NAV2: variants seen among roughly 807,000 people sequenced by gnomAD.
NAV2 encodes the protein helicase, APC down-regulated 1.
A neutral mutation model predicts 223.2 loss-of-function variants in NAV2; 54 were observed. The ratio of observed to expected loss-of-function variants is 0.24; its 90% confidence interval spans 0.19 to 0.30. NAV2 has a LOEUF of 0.30. NAV2 is among the 10% of genes least tolerant of loss of function. The pLI is 1.00. For synonymous variants in NAV2, 1,279 were observed against 1,239.3 expected (o/e 1.03, Z -0.67); for missense variants, 2,806 against 3,147.5 (o/e 0.89, Z 2.60).
At chr11:19,864,438 C>T (rs2061971228) in intron 3 of NAV2, among the ~76,000 whole-genome samples, 1 of 152,230 alleles carries the variant, frequency 6.6e-6, no homozygotes, top group African/African-American at 2.4e-5. Flanking sequence ...TATAGCAGTG[C>T]TTCCGAGGTT....
intron 1 of NAV2, among the ~76,000 whole-genome samples, chr11:19,594,428 C>CTT (rs77892048): frequency 4.4e-5 from 6 of 135,856 alleles, no homozygotes; most frequent in African/African-American, 5.4e-5. Flanking sequence ...ACTTCGGGGA[C>CTT]TTTTTTTTTT....
At chr11:19,421,338 A>G (rs1236089857) in intron 1 of NAV2, among the ~76,000 whole-genome samples, 2 of 152,212 alleles carry the variant, frequency 1.3e-5, no homozygotes, top group African/African-American at 2.4e-5. Context: ...CGCAGCTGGA[A>G]GATGACCTGG....
At chr11:19,825,022 G>T (rs2059574913) in intron 1 of NAV2, among the ~76,000 whole-genome samples, 1 of 152,096 alleles carries the variant, frequency 6.6e-6, no homozygotes. Flanking sequence ...GCTAGGTGTG[G>T]TGGCTCATGC....
intron 32 of NAV2, among the ~76,000 whole-genome samples, chr11:20,102,900 T>C (rs770264195): frequency 2.0e-5 from 3 of 152,168 alleles, no homozygotes; most frequent in Non-Finnish European, 2.9e-5. Context: ...GACTTAAGTG[T>C]GTGTCTGGCT....
chr11:19,486,508 T>C (rs2042450179), intron 1 of NAV2, among the ~76,000 whole-genome samples: 1 of 152,112 alleles, frequency 6.6e-6, no homozygotes, highest in Non-Finnish European at 1.5e-5. Flanking sequence ...GTTCTCGTGA[T>C]AGTAAGTAAG....
chr11:19,372,672 C>T (rs1188569202), intron 1 of NAV2, among the ~76,000 whole-genome samples: 5 of 152,100 alleles, frequency 3.3e-5, no homozygotes, highest in East Asian at 1.9e-4. Context: ...GGCTGACCTC[C>T]GCTCCAAAAT....
rs79443290 is a variant in NAV2 at position 19,660,550 on chromosome 11, A to G, written c.76-171934A>G. On this transcript the variant is annotated intron_variant, in intron 1 of 37. Coordinates refer to the NAV2 transcript ENST00000360655. Reference sequence around the variant, plus strand: ...CTAGGGAGGGGGAGAAGCCACCTGGAAAGAGCATCAGATCCCAACAAAAGT... The same window carrying G: ...CTAGGGAGGGGGAGAAGCCACCTGGGAAGAGCATCAGATCCCAACAAAAGT... 1.1e-3 allele frequency among the ~76,000 whole-genome samples: 166 copies of G among 152,252 alleles called. 1 individual carries two copies. In the East Asian group the frequency reaches 0.031, roughly 28 times the overall value.
intron 1 of NAV2, among the ~76,000 whole-genome samples, chr11:19,557,688 A>G (rs1224659798): frequency 6.6e-6 from 1 of 152,070 alleles, no homozygotes; most frequent in Non-Finnish European, 1.5e-5. Flanking sequence ...TGAACGCGAA[A>G]AGCCTTGGCT....
At chr11:19,603,848 C>A (rs1243136952) in intron 1 of NAV2, among the ~76,000 whole-genome samples, 1 of 151,948 alleles carries the variant, frequency 6.6e-6, no homozygotes, top group Non-Finnish European at 1.5e-5. Flanking sequence ...ATAGGAGGTT[C>A]AAGACGGCCT....
intron 10 of NAV2, among the ~76,000 whole-genome samples, chr11:19,951,382 C>CA (rs1213249223): frequency 6.6e-6 from 1 of 151,806 alleles, no homozygotes; most frequent in East Asian, 1.9e-4. Context: ...TTAGAGCATC[C>CA]TTTTTTTTCT....
chr11:19,735,520 A>G (rs1234957098), intron 1 of NAV2, among the ~76,000 whole-genome samples: 4 of 152,334 alleles, frequency 2.6e-5, no homozygotes, highest in African/African-American at 7.2e-5. Flanking sequence ...TGAAATCAGC[A>G]CTATTATTCA....
chr11:19,786,861 G>A (rs1363397523), intron 1 of NAV2, among the ~76,000 whole-genome samples: 3 of 152,174 alleles, frequency 2.0e-5, no homozygotes, highest in Non-Finnish European at 4.4e-5. Flanking sequence ...GTGGTAGCGT[G>A]CACCTGTAGC....
intron 1 of NAV2, among the ~76,000 whole-genome samples, chr11:19,793,510 C>T (rs2057685831): frequency 6.6e-6 from 1 of 152,194 alleles, no homozygotes; most frequent in Admixed American, 6.5e-5. Context: ...TCTTTGTCAA[C>T]TGCTTTTCTT....
chr11:19,726,617 C>A (rs2051279797), intron 1 of NAV2, among the ~76,000 whole-genome samples: 2 of 152,214 alleles, frequency 1.3e-5, no homozygotes, highest in African/African-American at 2.4e-5. Flanking sequence ...TGCCAACAGG[C>A]ACGATTCCAC....
intron 1 of NAV2, among the ~76,000 whole-genome samples, chr11:19,667,371 C>T (rs1017107811): frequency 2.0e-5 from 3 of 152,160 alleles, no homozygotes; most frequent in Non-Finnish European, 2.9e-5. Context: ...CAAATAATTA[C>T]AATGTGTATC....
At chr11:19,888,740 T>A (rs1031826408) in intron 5 of NAV2, among the ~76,000 whole-genome samples, 41 of 152,244 alleles carry the variant, frequency 2.7e-4, no homozygotes, top group African/African-American at 9.9e-4. Context: ...CAGCTCTTTC[T>A]TTCCCCTGTA....
At chr11:19,773,703 G>A (rs2055901846) in intron 1 of NAV2, among the ~76,000 whole-genome samples, 1 of 152,090 alleles carries the variant, frequency 6.6e-6, no homozygotes, top group African/African-American at 2.4e-5. Context: ...AATCTACAGG[G>A]TCCTGACACC....
At chr11:19,776,632 ATGTGTGTGTGTGTG>A (rs71050685) in intron 1 of NAV2, among the ~76,000 whole-genome samples, 793 of 64,660 alleles carry the variant, frequency 0.012, 7 homozygotes, top group African/African-American at 0.03. Flanking sequence ...GGGTCAGAAA[ATGTGTGTGTGTGTG>A]TGTGTGTGTG....
Position 19,805,739 on chromosome 11 carries a change from C to T in NAV2, c.268-26745C>T, listed in dbSNP as rs755510069. 2.9e-4 allele frequency among the ~76,000 whole-genome samples: 44 copies of T among 152,158 alleles called. 2 individuals are homozygous for T. Among genetic ancestry groups the T allele is most frequent in the Admixed American group, 2.7e-3 (42 of 15,274 alleles). On this transcript the variant is annotated intron_variant, in intron 1 of 37. Transcript: ENST00000349880. ...TTCTTCAAAAGATAATCTTGAGGAA[C>T]GCTTGTGTTGTGGCTGCTGGGACTT... is the stretch of plus-strand genomic sequence containing the variant.
Sources: allele counts gnomAD v4.1 joint callset (sites outside exome capture counted in the v4.1 genomes callset), GRCh38; gene constraint gnomAD v4.1.1; transcripts MANE v1.5; gene names NCBI Gene and HGNC (gene_info 2026-07-23, HGNC 2026-07-21).